The following SDK1 variants were observed in gnomAD, a reference collection of about 807,000 sequenced individuals.
SDK1 encodes the protein sidekick cell adhesion molecule 1.
A neutral mutation model predicts 245.5 loss-of-function variants in SDK1; 157 were observed. The observed-to-expected ratio is 0.64, with a 90% confidence interval of 0.56 to 0.73. The LOEUF (loss-of-function observed/expected upper bound fraction) is 0.73, where lower values mean the gene tolerates loss of function less well. SDK1 is among the 30% of genes least tolerant of loss of function. The pLI is 0.00. For synonymous variants in SDK1, 1,647 were observed against 1,278.5 expected (o/e 1.29, Z -6.15); for missense variants, 3,583 against 3,002.3 (o/e 1.19, Z -4.52).
At chr7:3,494,032 G>A (rs1781947448) in intron 1 of SDK1, among the ~76,000 whole-genome samples, 1 of 152,134 alleles carries the variant, frequency 6.6e-6, no homozygotes, top group Non-Finnish European at 1.5e-5. Context: ...ACCTAGGTGA[G>A]TTTTGAAAAG....
chr7:4,231,172 T>C (rs543200087), intron 40 of SDK1, among the ~76,000 whole-genome samples: 43 of 152,230 alleles, frequency 2.8e-4, no homozygotes, highest in African/African-American at 8.9e-4. Flanking sequence ...AACCTCAGCA[T>C]CCTAGGAGAA....
At chr7:3,738,314 A>G (rs1284968444) in intron 4 of SDK1, among the ~76,000 whole-genome samples, 1 of 152,182 alleles carries the variant, frequency 6.6e-6, no homozygotes, top group Non-Finnish European at 1.5e-5. Context: ...TCCTTTATCC[A>G]TTGAATGGTC....
chr7:3,801,649 G>A (rs924873218), intron 4 of SDK1, among the ~76,000 whole-genome samples: 5 of 152,186 alleles, frequency 3.3e-5, no homozygotes, highest in African/African-American at 1.2e-4. Context: ...AGGACCCTGA[G>A]CAAGGCCTGG....
At chr7:3,537,413 G>A (rs1778919418) in intron 1 of SDK1, among the ~76,000 whole-genome samples, 1 of 152,156 alleles carries the variant, frequency 6.6e-6, no homozygotes, top group Non-Finnish European at 1.5e-5. Context: ...CCCTAATCCT[G>A]TGTGTGCCGC....
chr7:3,868,330 C>G (rs1780870954), intron 5 of SDK1, among the ~76,000 whole-genome samples: 1 of 152,130 alleles, frequency 6.6e-6, no homozygotes, highest in Non-Finnish European at 1.5e-5. Context: ...CAGGGAAGCA[C>G]TGTAGTTATT....
intron 4 of SDK1, among the ~76,000 whole-genome samples, chr7:3,815,668 G>A (rs1779489963): frequency 6.6e-6 from 1 of 151,552 alleles, no homozygotes; most frequent in Non-Finnish European, 1.5e-5. Context: ...TCTATTGATT[G>A]GAATAGTTTC....
chr7:4,146,625 T>C (rs1486108199), intron 29 of SDK1, among the ~76,000 whole-genome samples: 1 of 152,198 alleles, frequency 6.6e-6, no homozygotes, highest in African/African-American at 2.4e-5. Flanking sequence ...ACATTTGAGG[T>C]TGAGCTCCCC....
At chr7:3,597,428 C>G (rs1308925592) in intron 1 of SDK1, among the ~76,000 whole-genome samples, 1 of 152,118 alleles carries the variant, frequency 6.6e-6, no homozygotes, top group Non-Finnish European at 1.5e-5. Context: ...TCAAATCCCA[C>G]TGGGAAATAG....
chr7:4,102,123 A>T (rs1300659873), intron 22 of SDK1, among the ~76,000 whole-genome samples: 2 of 152,218 alleles, frequency 1.3e-5, no homozygotes, highest in African/African-American at 2.4e-5. Context: ...GAGTGAAGAT[A>T]AACGCAGCAC....
chr7:3,824,404 G>A (rs765778500), intron 5 of SDK1, among the ~76,000 whole-genome samples: 5 of 152,182 alleles, frequency 3.3e-5, no homozygotes, highest in Non-Finnish European at 4.4e-5. Flanking sequence ...GGAGAATAAA[G>A]CAGGGAACCT....
chr7:3,569,532 T>G (rs1780040911), intron 1 of SDK1, among the ~76,000 whole-genome samples: 1 of 152,248 alleles, frequency 6.6e-6, no homozygotes. Flanking sequence ...TGGCAGTATT[T>G]GGAGATCCTC....
At chr7:3,930,686 G>A (rs762524652) in intron 5 of SDK1, among the ~76,000 whole-genome samples, 2 of 152,198 alleles carry the variant, frequency 1.3e-5, no homozygotes, top group African/African-American at 2.4e-5. Context: ...CCAGCTACTT[G>A]GGAGGCTGAG....
intron 7 of SDK1, chr7:3,958,099 C>T (rs1360874985): frequency 2.3e-6 from 1 of 435,536 alleles, no homozygotes; most frequent in Admixed American, 2.9e-5. Context: ...ATCTTATCCA[C>T]ATTCAACACA....
chr7:3,913,727 A>T (rs1442066148), intron 5 of SDK1, among the ~76,000 whole-genome samples: 1 of 152,114 alleles, frequency 6.6e-6, no homozygotes. Flanking sequence ...GTTTATTGAC[A>T]TCCATCTATT....
At chr7:3,798,741 G>A (rs146194644) in intron 4 of SDK1, among the ~76,000 whole-genome samples, 129 of 152,242 alleles carry the variant, frequency 8.5e-4, no homozygotes, top group Middle Eastern at 3.4e-3. Flanking sequence ...CTCTTAGCCC[G>A]GCCCACATGC....
chr7:4,109,649 A>G (rs1783200740), intron 22 of SDK1, among the ~76,000 whole-genome samples: 2 of 152,142 alleles, frequency 1.3e-5, no homozygotes, highest in African/African-American at 4.8e-5. Context: ...ATCTCCAAAG[A>G]TGAGCTCCAG....
intron 35 of SDK1, among the ~76,000 whole-genome samples, chr7:4,205,583 A>AT (rs1784169680): frequency 6.6e-6 from 1 of 152,056 alleles, no homozygotes; most frequent in South Asian, 2.1e-4. Flanking sequence ...CGGTATAATT[A>AT]TTTTTCTGTG....
intron 4 of SDK1, among the ~76,000 whole-genome samples, chr7:3,684,653 G>A (rs1388471714): frequency 6.6e-6 from 1 of 152,100 alleles, no homozygotes; most frequent in Non-Finnish European, 1.5e-5. Flanking sequence ...CCAATTATCA[G>A]ATGCTAAATC....
intron 2 of SDK1, among the ~76,000 whole-genome samples, chr7:3,624,726 G>T (rs763139265): frequency 1.3e-5 from 2 of 151,928 alleles, no homozygotes; most frequent in Non-Finnish European, 2.9e-5. Flanking sequence ...GGAGCATTTT[G>T]AACCAGACCA....
Sources: gnomAD v4.1 joint callset for allele counts (sites outside exome capture counted in the v4.1 genomes callset) on GRCh38, gnomAD v4.1.1 for gene constraint, MANE v1.5 for transcripts, NCBI Gene and HGNC (gene_info 2026-07-23, HGNC 2026-07-21) for gene names.